GPRIN3: variants seen among roughly 807,000 people sequenced by gnomAD.
GPRIN3 encodes G protein-regulated inducer of neurite outgrowth 3.
In GPRIN3, 12 loss-of-function variants were observed where a neutral mutation model predicts 13.7. That is an observed-to-expected ratio of 0.87 (90% CI 0.56 to 1.42). The LOEUF is 1.42. Ranked by LOEUF, GPRIN3 falls within the 40% of genes most tolerant of loss-of-function variation. The pLI is 0.00. For synonymous variants in GPRIN3, 377 were observed against 372.7 expected (o/e 1.01, Z -0.13); for missense variants, 1,009 against 958.7 (o/e 1.05, Z -0.69).
intron 1 of GPRIN3, among the ~76,000 whole-genome samples, chr4:89,275,720 C>T (rs965024990): frequency 6.6e-6 from 1 of 152,162 alleles, no homozygotes; most frequent in Non-Finnish European, 1.5e-5. Flanking sequence ...ACCTTTGACT[C>T]GGTTGTTATT....
chr4:89,260,799 A>C (rs1723601394), intron 1 of GPRIN3, among the ~76,000 whole-genome samples: 1 of 152,240 alleles, frequency 6.6e-6, no homozygotes, highest in Non-Finnish European at 1.5e-5. Context: ...AAGATGAAAA[A>C]GAATGGTCTT....
At chr4:89,272,636 G>A (rs921121663) in intron 1 of GPRIN3, among the ~76,000 whole-genome samples, 1 of 151,888 alleles carries the variant, frequency 6.6e-6, no homozygotes, top group Admixed American at 6.6e-5. Flanking sequence ...GAATATTTAG[G>A]CTATCACAAA....
intron 1 of GPRIN3, among the ~76,000 whole-genome samples, chr4:89,282,594 A>ATTTTT: frequency 7.4e-6 from 1 of 135,592 alleles, no homozygotes; most frequent in Admixed American, 7.4e-5. Flanking sequence ...TTTTTTTGCA[A>ATTTTT]TTTTTTTTTT....
chr4:89,262,632 T>C (rs975854301), intron 1 of GPRIN3, among the ~76,000 whole-genome samples: 2 of 152,126 alleles, frequency 1.3e-5, no homozygotes, highest in African/African-American at 4.8e-5. Context: ...GAAACCATAA[T>C]TTTCTTATCC....
chr4:89,270,581 AT>A (rs1159377089), intron 1 of GPRIN3, among the ~76,000 whole-genome samples: 5 of 100,148 alleles, frequency 5.0e-5, no homozygotes, highest in East Asian at 3.2e-4. Flanking sequence ...ATATATATAT[AT>A]ATATATATAT....
chr4:89,261,761 C>T (rs999911588), intron 1 of GPRIN3, among the ~76,000 whole-genome samples: 1 of 152,096 alleles, frequency 6.6e-6, no homozygotes, highest in Non-Finnish European at 1.5e-5. Context: ...AAAAATTATG[C>T]TATTTTGATG....
At chr4:89,278,266 C>T (rs1234319348) in intron 1 of GPRIN3, among the ~76,000 whole-genome samples, 1 of 152,112 alleles carries the variant, frequency 6.6e-6, no homozygotes, top group Non-Finnish European at 1.5e-5. Context: ...TACCATATTT[C>T]AAAAAATTTT....
At chr4:89,257,272 C>A (rs978236367) in intron 1 of GPRIN3, among the ~76,000 whole-genome samples, 1 of 152,092 alleles carries the variant, frequency 6.6e-6, no homozygotes, top group Non-Finnish European at 1.5e-5. Flanking sequence ...GTCTTTTCAA[C>A]ATTGTTCTAG....
intron 1 of GPRIN3, among the ~76,000 whole-genome samples, chr4:89,280,213 T>C (rs1162211248): frequency 6.6e-6 from 1 of 152,138 alleles, no homozygotes; most frequent in Non-Finnish European, 1.5e-5. Flanking sequence ...GTCTTCCTAC[T>C]GATATAATGT....
intron 1 of GPRIN3, among the ~76,000 whole-genome samples, chr4:89,290,442 A>T (rs1009687984): frequency 6.6e-6 from 1 of 152,100 alleles, no homozygotes; most frequent in African/African-American, 2.4e-5. Flanking sequence ...TGGGCTAGGT[A>T]TGGAAAAAAG....
rs184755988 is a variant in GPRIN3 at position 89,267,461 on chromosome 4, C to T, written c.-123-17228G>A. Among the ~76,000 whole-genome samples, 4 of 152,178 alleles carry T rather than the reference C, an allele frequency of 2.6e-5. No homozygotes were observed. The East Asian group carries it at 7.7e-4, about 29-fold the overall frequency. On this transcript the variant is annotated intron_variant, in intron 1 of 1. Coordinates refer to ENST00000609438, the MANE Select transcript of GPRIN3 (RefSeq NM_198281.3). ...GGATTAGACCTGCCTCGGTGAGGTA[C>T]CCTTATTATATGTTGCTGCTTGATA...
In GPRIN3 at chr4:89,247,279, TC is replaced by T. The variant is rs1723129016; in HGVS notation, c.*500del. 6.6e-6 allele frequency: 1 copy of T among 152,606 alleles called. No individual in the cohort carries two copies. The highest frequency in any genetic ancestry group is 2.4e-5 in the African/African-American group (1 of 41,460). The allele number at this position is 152,606 out of a possible 1,614,324, so 9.5% of individuals were successfully genotyped here. On this transcript the variant is annotated 3_prime_UTR_variant, in exon 2 of 2. Transcript: ENST00000609438. ...TGAATCAAATATGTTCTCATTTTTT[TC>T]ATTATGGTTCTTATCACCTATTTAT...
chr4:89,240,114 T>A lies in GPRIN3; in HGVS notation c.*7666A>T, dbSNP rs1311275800. ...GAAAAAATGAGATAAATTCGAACAA[T>A]ATCAATTAACTGGTTGGAATTATGA... On this transcript the variant is annotated 3_prime_UTR_variant, in exon 2 of 2. Transcript: ENST00000609438. 6.6e-6 allele frequency: 1 copy of A among 152,218 alleles called. No homozygotes were observed. Among genetic ancestry groups the A allele is most frequent in the Non-Finnish European group, 1.5e-5 (1 of 68,042 alleles). 9.4% of individuals were successfully genotyped at this position (152,218 alleles called of 1,614,324 possible). A position where few individuals can be genotyped will look rare whatever the true frequency, so the allele number is the denominator to read the frequency against.
intron 1 of GPRIN3, among the ~76,000 whole-genome samples, chr4:89,275,826 G>T (rs1724077326): frequency 6.6e-6 from 1 of 152,126 alleles, no homozygotes; most frequent in Non-Finnish European, 1.5e-5. Context: ...TGCAATCTGG[G>T]ATACCGATCA....
At chr4:89,297,381 G>GT (rs1183264853) in intron 1 of GPRIN3, among the ~76,000 whole-genome samples, 1 of 151,934 alleles carries the variant, frequency 6.6e-6, no homozygotes, top group Non-Finnish European at 1.5e-5. Flanking sequence ...TGCCTCAAGT[G>GT]TTTTTTTGTT....
At chr4:89,268,662 C>G (rs866372012) in intron 1 of GPRIN3, among the ~76,000 whole-genome samples, 2 of 152,232 alleles carry the variant, frequency 1.3e-5, no homozygotes. Flanking sequence ...TCTGAAGCCA[C>G]TACTGAAGTA....
chr4:89,290,582 A>T (rs1013369223), intron 1 of GPRIN3, among the ~76,000 whole-genome samples: 3 of 152,184 alleles, frequency 2.0e-5, no homozygotes, highest in African/African-American at 7.2e-5. Flanking sequence ...GGAAGTGAGG[A>T]CTTTCTCTTC....
intron 1 of GPRIN3, among the ~76,000 whole-genome samples, chr4:89,298,125 T>G (rs139011433): frequency 1.3e-5 from 2 of 152,192 alleles, no homozygotes; most frequent in South Asian, 4.1e-4. Context: ...GGTTCTGGTA[T>G]CCTCATGAGA....
intron 1 of GPRIN3, among the ~76,000 whole-genome samples, chr4:89,255,402 T>G (rs920851429): frequency 6.6e-6 from 1 of 152,172 alleles, no homozygotes; most frequent in Non-Finnish European, 1.5e-5. Context: ...TATTTAAGCT[T>G]TTATCTGTGT....
Sources: gnomAD v4.1 joint callset for allele counts (sites outside exome capture counted in the v4.1 genomes callset) on GRCh38, gnomAD v4.1.1 for gene constraint, MANE v1.5 for transcripts, NCBI Gene and HGNC (gene_info 2026-07-23, HGNC 2026-07-21) for gene names.